EPB41L4B: variants seen among roughly 807,000 people sequenced by gnomAD.
The protein encoded by EPB41L4B is band 4.1-like protein 4B.
In EPB41L4B, 30 loss-of-function variants were observed where a neutral mutation model predicts 112.5. The ratio of observed to expected loss-of-function variants is 0.27; its 90% CI spans 0.20 to 0.36. The LOEUF (loss-of-function observed/expected upper bound fraction) is 0.36. Ranked by LOEUF, EPB41L4B falls within the 10% of genes least tolerant of loss-of-function variation. The pLI, the probability that EPB41L4B is intolerant of heterozygous loss-of-function variation, is 1.00. For missense variants in EPB41L4B, 1,024 were observed against 1,133.3 expected, an observed-to-expected ratio of 0.90 and a Z score of 1.38; for synonymous variants, 408 against 439.7, an observed-to-expected ratio of 0.93 and a Z score of 0.90.
At chr9:109,203,539 C>T (rs539880092) in intron 19 of EPB41L4B, 124 bp downstream of exon 19, 23 of 773,284 alleles carry the variant, frequency 3.0e-5, no homozygotes, top group Non-Finnish European at 4.6e-5. Context: ...TCTCTTTGGG[C>T]TCCTATTCTC....
At chr9:109,185,729 G>A in intron 22 of EPB41L4B, 124 bp from the exon 23 acceptor site, 1 of 682,538 alleles carries the variant, frequency 1.5e-6, no homozygotes, top group Non-Finnish European at 2.3e-6. Flanking sequence ...GGCAACTCCA[G>A]ACTGTTCTCA....
Position 109,255,573 on chromosome 9 carries a change from C to T in EPB41L4B, c.1107G>A (p.Thr369=), listed in dbSNP as rs377599387. Reference sequence around the variant, plus strand: ...ATCTATTGGATTTGCTGTTTCCTGGCGTCCGCAGTCGGAAGAATGCGTGGT... The same window carrying T: ...ATCTATTGGATTTGCTGTTTCCTGGTGTCCGCAGTCGGAAGAATGCGTGGT... The part of the protein sequence containing the change: ...VEHHAFFRLR[T]PGNSKSNRSD... Residue 369 remains threonine (T), a synonymous_variant, in exon 11 of 26, where the codon ACG becomes ACA. Transcript: ENST00000374566. 2.8e-5 allele frequency: 45 copies of T among 1,614,062 alleles called. No individual in the cohort carries two copies. The African/African-American group carries it at 3.2e-4, about 11-fold the overall frequency.
At chr9:109,277,829 G>C (rs1314517809) in intron 2 of EPB41L4B, among the ~76,000 whole-genome samples, 7 of 152,174 alleles carry the variant, frequency 4.6e-5, no homozygotes, top group Non-Finnish European at 8.8e-5. Flanking sequence ...CCAGAGGGAG[G>C]GGAACTGGGA....
chr9:109,184,947 G>A (rs752492029), intron 23 of EPB41L4B, among the ~76,000 whole-genome samples: 1 of 152,046 alleles, frequency 6.6e-6, no homozygotes, highest in Non-Finnish European at 1.5e-5. Context: ...AGTGAAAAGA[G>A]GAAAACAGGA....
Position 109,217,062 on chromosome 9 carries a change from G to T in EPB41L4B, c.1493C>A (p.Thr498Asn). The T allele has an allele frequency of 6.2e-7, 1 of 1,614,202 alleles. No individual in the cohort carries two copies. The highest frequency in any genetic ancestry group is 1.7e-5 in the Admixed American group (1 of 60,028). The change falls in exon 16 of 26, where the codon ACC becomes AAC. Residue 498 changes from threonine (T) to asparagine (N), a missense_variant. Thr to Asn is a moderately conservative substitution (Grantham distance 65). Transcript: ENST00000374566. Reference sequence around the variant, plus strand: ...GTGGTGATGCCTTCCTGAAGCTGCGGTGAGGAACGGTGTGCCCCCATTCTC... The same window carrying T: ...GTGGTGATGCCTTCCTGAAGCTGCGTTGAGGAACGGTGTGCCCCCATTCTC... ...IEENGGTPFL[T>N]AASGRHHHQH...
chr9:109,234,874 AAAC>A (rs1409152069), intron 15 of EPB41L4B, among the ~76,000 whole-genome samples: 1 of 152,182 alleles, frequency 6.6e-6, no homozygotes, highest in East Asian at 1.9e-4. Flanking sequence ...AAACAAACAA[AAAC>A]AACAACAAAA....
At position 109,268,507 on chromosome 9, in the gene EPB41L4B, T is replaced by C. The variant is rs866580365; in HGVS notation, c.412-74A>G. The stretch of plus-strand genomic sequence containing the variant: ...TATTCAGCCCTCACAGTTACCCTCC[T>C]CTAAAAGCCTTAGTAATTCTACCCA... On this transcript the variant is annotated intron_variant, in intron 2 of 25. Coordinates refer to ENST00000374566, the MANE Select transcript of EPB41L4B (RefSeq NM_019114.5). 3.0e-6 allele frequency: 4 copies of C among 1,344,138 alleles called. No homozygotes were observed. The Middle Eastern group carries it at 7.3e-4, about 246-fold the overall frequency. 83.3% of individuals were successfully genotyped at this position (1,344,138 alleles called of 1,614,324 possible).
At chr9:109,252,124 T>G (rs930544291) in intron 12 of EPB41L4B, among the ~76,000 whole-genome samples, 1 of 152,174 alleles carries the variant, frequency 6.6e-6, no homozygotes, top group African/African-American at 2.4e-5. Context: ...TAAAGCCATC[T>G]GGTGGGGTCA....
rs1831699617 is a variant in EPB41L4B, at chr9:109,173,439, A to G, written c.*1115T>C. On this transcript the variant is annotated 3_prime_UTR_variant, in exon 26 of 26. Coordinates refer to ENST00000374566, the MANE Select transcript of EPB41L4B (RefSeq NM_019114.5). ...TTTTTTTTTTACAGACATTCATAGC[A>G]GCACTATTTATAAGAGTGAAAAATT... 6.6e-6 allele frequency: 1 copy of G among 152,374 alleles called. No homozygotes were observed. Among genetic ancestry groups the G allele is most frequent in the Non-Finnish European group, 1.5e-5 (1 of 67,994 alleles). 9.4% of individuals were successfully genotyped at this position (152,374 alleles called of 1,614,324 possible).
chr9:109,221,955 A>G (rs1833587884), intron 15 of EPB41L4B, among the ~76,000 whole-genome samples: 1 of 152,162 alleles, frequency 6.6e-6, no homozygotes, highest in African/African-American at 2.4e-5. Context: ...GTTGTGCCCA[A>G]CTCAGGGGGA....
rs888359151 is a variant in EPB41L4B, at chr9:109,234,909, C to G, written c.1409+8709G>C. Among the ~76,000 whole-genome samples, 3 of 152,178 alleles carry G rather than the reference C, an allele frequency of 2.0e-5. No individual in the cohort carries two copies. In the East Asian group the frequency reaches 5.8e-4, roughly 29 times the overall value. The stretch of plus-strand genomic sequence containing the variant: ...AAAATGGCAACAAAGCACAGTGGTT[C>G]CCTTTTGTTACTAACTTTCCACTCA... On this transcript the variant is annotated intron_variant, in intron 15 of 25. Transcript: ENST00000374566.
At chr9:109,187,532 T>G (rs188258924) in intron 22 of EPB41L4B, among the ~76,000 whole-genome samples, 41 of 152,234 alleles carry the variant, frequency 2.7e-4, no homozygotes, top group African/African-American at 9.1e-4. Flanking sequence ...ACCCTCCTGC[T>G]GCTCTCTATG....
intron 13 of EPB41L4B, among the ~76,000 whole-genome samples, chr9:109,248,949 C>T (rs1834662975): frequency 1.3e-5 from 2 of 151,542 alleles, no homozygotes; most frequent in African/African-American, 4.9e-5. Flanking sequence ...GTCCCAGCTA[C>T]TCGGGAGGCT....
At chr9:109,267,339 G>A in intron 4 of EPB41L4B, 134 bp downstream of exon 4, 1 of 562,982 alleles carries the variant, frequency 1.8e-6, no homozygotes, top group Non-Finnish European at 3.2e-6. Context: ...GGAAGCACCG[G>A]AAAAGTACTA....
intron 1 of EPB41L4B, among the ~76,000 whole-genome samples, chr9:109,286,778 A>G (rs1267281158): frequency 2.0e-5 from 3 of 152,038 alleles, no homozygotes; most frequent in Non-Finnish European, 4.4e-5. Flanking sequence ...TGAAACGCAA[A>G]CCCAGAGGTT....
At chr9:109,200,655 G>A (rs1328769909) in intron 19 of EPB41L4B, among the ~76,000 whole-genome samples, 1 of 152,164 alleles carries the variant, frequency 6.6e-6, no homozygotes, top group African/African-American at 2.4e-5. Context: ...GAACCAGAAT[G>A]AGGGTTTGGC....
chr9:109,181,426 T>C (rs1027301128), intron 24 of EPB41L4B, among the ~76,000 whole-genome samples: 7 of 152,200 alleles, frequency 4.6e-5, no homozygotes, highest in African/African-American at 1.2e-4. Flanking sequence ...ACAACAATCA[T>C]AACTGACAGG....
intron 12 of EPB41L4B, among the ~76,000 whole-genome samples, chr9:109,252,580 T>C (rs970408238): frequency 1.3e-5 from 2 of 152,164 alleles, no homozygotes; most frequent in Non-Finnish European, 2.9e-5. Context: ...AAGTTACAGA[T>C]TCCAGAAGGG....
At chr9:109,216,797 C>T (rs1464116270) in intron 16 of EPB41L4B, 125 bp downstream of exon 16, 36 of 988,124 alleles carry the variant, frequency 3.6e-5, no homozygotes, top group Non-Finnish European at 5.1e-5. Context: ...AACCCGGTAG[C>T]CCAGCATAAC....
Sources: allele counts gnomAD v4.1 joint callset (sites outside exome capture counted in the v4.1 genomes callset), GRCh38; gene constraint gnomAD v4.1.1; transcripts MANE v1.5; gene names NCBI Gene and HGNC (gene_info 2026-07-23, HGNC 2026-07-21).